The following SLC8A1 variants were observed in gnomAD, a reference collection of about 807,000 sequenced individuals.
SLC8A1 encodes the protein sodium/calcium exchanger 1.
In SLC8A1, 18 loss-of-function variants were observed where a neutral mutation model predicts 68.3. The observed-to-expected ratio is 0.26, with a 90% CI of 0.18 to 0.39. SLC8A1 has a LOEUF of 0.39. Ranked by LOEUF, SLC8A1 falls within the 10% of genes least tolerant of loss-of-function variation. The pLI is 1.00. For missense variants in SLC8A1, 985 were observed against 1,156.7 expected (o/e 0.85, Z 2.15); for synonymous variants, 475 against 415.5 (o/e 1.14, Z -1.74).
At chr2:40,380,419 G>A (rs940998125) in intron 2 of SLC8A1, among the ~76,000 whole-genome samples, 3 of 152,088 alleles carry the variant, frequency 2.0e-5, no homozygotes, top group African/African-American at 7.2e-5. Context: ...ATTTCTTCAT[G>A]AATCTCTATA....
At chr2:40,196,858 T>C (rs2053145599) in intron 2 of SLC8A1, among the ~76,000 whole-genome samples, 2 of 152,064 alleles carry the variant, frequency 1.3e-5, no homozygotes, top group African/African-American at 2.4e-5. Context: ...TCTTGTGGAT[T>C]CTTCACACTG....
upstream of SLC8A1, among the ~76,000 whole-genome samples, chr2:40,455,488 A>T (rs1378925860): frequency 6.6e-6 from 1 of 152,176 alleles, no homozygotes; most frequent in African/African-American, 2.4e-5. Flanking sequence ...GCCAGCCTTC[A>T]CTAATCACCT....
intron 2 of SLC8A1, among the ~76,000 whole-genome samples, chr2:40,323,401 C>T (rs540457802): frequency 6.6e-6 from 1 of 152,142 alleles, no homozygotes; most frequent in Admixed American, 6.6e-5. Flanking sequence ...CAAATTATTT[C>T]TTCACCTGGT....
At chr2:40,186,208 G>C (rs903596669) in intron 2 of SLC8A1, among the ~76,000 whole-genome samples, 6 of 152,214 alleles carry the variant, frequency 3.9e-5, no homozygotes, top group African/African-American at 1.2e-4. Flanking sequence ...AAGGAGGCCT[G>C]CTGCCTTTGC....
chr2:40,146,723 T>C (rs1195584675), intron 6 of SLC8A1, among the ~76,000 whole-genome samples: 1 of 151,998 alleles, frequency 6.6e-6, no homozygotes, highest in Non-Finnish European at 1.5e-5. Context: ...CTATTGTACA[T>C]AAAATTTGAG....
intron 2 of SLC8A1, among the ~76,000 whole-genome samples, chr2:40,360,626 G>T (rs940365103): frequency 5.9e-5 from 9 of 152,148 alleles, no homozygotes; most frequent in Non-Finnish European, 1.3e-4. Context: ...CTGGGAAACT[G>T]AGGTACACAG....
At chr2:40,365,140 C>T (rs543704171) in intron 2 of SLC8A1, among the ~76,000 whole-genome samples, 1 of 151,906 alleles carries the variant, frequency 6.6e-6, no homozygotes, top group African/African-American at 2.4e-5. Context: ...TATATAAATG[C>T]TTTACCTTAT....
rs191784454 is a variant in SLC8A1, at chr2:40,313,640, C to A, written c.1808+114833G>T. Among the ~76,000 whole-genome samples the A allele has an allele frequency of 3.2e-3, 482 of 151,924 alleles. 1 individual carries two copies. The highest frequency in any genetic ancestry group is 0.011 in the African/African-American group (454 of 41,466). Reference sequence around the variant, plus strand: ...CTGGTCTTGAACTGCTGGGTTCAAGCGAACCTCCCACCTCGGCCTCCCAAA... The same window carrying A: ...CTGGTCTTGAACTGCTGGGTTCAAGAGAACCTCCCACCTCGGCCTCCCAAA... On this transcript the variant is annotated intron_variant, in intron 2 of 7. Coordinates refer to ENST00000406785, the Ensembl canonical transcript of SLC8A1.
chr2:40,423,552 A>C lies in SLC8A1; in HGVS notation c.1808+4921T>G, dbSNP rs977482487. Among the ~76,000 whole-genome samples, 6 of 152,152 alleles carry C rather than the reference A, an allele frequency of 3.9e-5. No individual in the cohort carries two copies. The South Asian group carries it at 1.2e-3, about 32-fold the overall frequency. On this transcript the variant is annotated intron_variant, in intron 2 of 7. Coordinates refer to ENST00000406785, the Ensembl canonical transcript of SLC8A1. ...ATCAGCCTTCTATGTAATGGCCTTG[A>C]ATGATGACTAAGAAAAGAGCCCGTA...
intron 2 of SLC8A1, among the ~76,000 whole-genome samples, chr2:40,252,790 A>G (rs10197174): frequency 0.83 from 122,426 of 147,966 alleles, 51,479 homozygotes; most frequent in Middle Eastern, 0.88. Flanking sequence ...ACATATATAT[A>G]TGTGTGTGTA....
intron 2 of SLC8A1, among the ~76,000 whole-genome samples, chr2:40,294,935 C>T (rs1350740886): frequency 1.3e-5 from 2 of 151,904 alleles, no homozygotes; most frequent in Admixed American, 1.3e-4. Context: ...AGATGGCTTC[C>T]ACCGGGGTGA....
chr2:40,333,356 T>G (rs2076619545), intron 2 of SLC8A1, among the ~76,000 whole-genome samples: 1 of 146,134 alleles, frequency 6.8e-6, no homozygotes, highest in African/African-American at 2.6e-5. Context: ...GAGAATCCCT[T>G]GAACCCGGGA....
intron 1 of SLC8A1, among the ~76,000 whole-genome samples, chr2:40,504,498 T>C (rs1465995907): frequency 6.6e-6 from 1 of 151,754 alleles, no homozygotes; most frequent in Admixed American, 6.6e-5. Context: ...CAGCAAATAA[T>C]ACAATCAACA....
chr2:40,444,466 C>G (rs777978634), intron 1 of SLC8A1, among the ~76,000 whole-genome samples: 11 of 152,130 alleles, frequency 7.2e-5, no homozygotes, highest in Non-Finnish European at 1.3e-4. Context: ...GAGCTGGGCT[C>G]TAAAACAAAT....
chr2:40,250,960 C>T (rs1019984309), intron 2 of SLC8A1: 2 of 152,124 alleles, frequency 1.3e-5, no homozygotes, highest in African/African-American at 4.8e-5. Flanking sequence ...CAAACTCCCA[C>T]CAGCTATCAA....
intron 7 of SLC8A1, chr2:40,118,623 T>TTTTG (rs1255136258): frequency 3.4e-5 from 5 of 145,562 alleles, no homozygotes; most frequent in Admixed American, 2.7e-4. Flanking sequence ...TTTTTTTTTT[T>TTTTG]TTTTTTTTTT....
intron 2 of SLC8A1, among the ~76,000 whole-genome samples, chr2:40,290,930 T>C (rs1207704093): frequency 1.3e-5 from 2 of 152,186 alleles, no homozygotes; most frequent in Non-Finnish European, 2.9e-5. Context: ...CTCTGGCAAC[T>C]TTGATGAAAA....
intron 2 of SLC8A1, among the ~76,000 whole-genome samples, chr2:40,318,165 A>G (rs923017262): frequency 3.3e-5 from 5 of 152,092 alleles, no homozygotes; most frequent in African/African-American, 1.2e-4. Flanking sequence ...TAAGTTTGGG[A>G]GTGGTAAAAA....
intron 2 of SLC8A1, among the ~76,000 whole-genome samples, chr2:40,387,231 A>G: frequency 6.6e-6 from 1 of 151,352 alleles, no homozygotes. Flanking sequence ...TTACTTGGAT[A>G]TTTTGTTCCT....
Sources: gnomAD v4.1 joint callset for allele counts (sites outside exome capture counted in the v4.1 genomes callset) on GRCh38, gnomAD v4.1.1 for gene constraint, MANE v1.5 for transcripts, NCBI Gene and HGNC (gene_info 2026-07-23, HGNC 2026-07-21) for gene names.